Variants in ATP6V0D2 observed in about 807,000 individuals in gnomAD.
ATP6V0D2 encodes ATPase H+ transporting V0 subunit d2, also known as V-type proton ATPase subunit d 2.
Under a neutral mutation model 40.0 loss-of-function variants are expected in ATP6V0D2, and 40 were observed. That is an observed-to-expected ratio of 1.00 (90% CI 0.78 to 1.30). The LOEUF is 1.30. Among genes scored for constraint, ATP6V0D2 ranks in the 50% most tolerant of loss-of-function variants. The pLI, the probability that ATP6V0D2 is intolerant of heterozygous loss-of-function variation, is 0.00. For synonymous variants in ATP6V0D2, 179 were observed against 156.3 expected, an observed-to-expected ratio of 1.15 and a Z score of -1.08; for missense variants, 470 against 423.1, an observed-to-expected ratio of 1.11 and a Z score of -0.97.
At chr8:86,152,282 C>T (rs11780633) in intron 7 of ATP6V0D2, among the ~76,000 whole-genome samples, 13,705 of 152,196 alleles carry the variant, frequency 0.09, 888 homozygotes, top group Non-Finnish European at 0.14. Context: ...CATAGTATTC[C>T]ATGGTATATA....
intron 2 of ATP6V0D2, among the ~76,000 whole-genome samples, chr8:86,115,357 C>CTTTTTT (rs1586088786): frequency 6.3e-5 from 5 of 79,496 alleles, no homozygotes; most frequent in African/African-American, 2.4e-4. Flanking sequence ...CCGTATCATC[C>CTTTTTT]ATTTTTTTTT....
chr8:86,110,779 GTTATGTATTAA>G (rs2130235038), intron 1 of ATP6V0D2, among the ~76,000 whole-genome samples: 2 of 152,222 alleles, frequency 1.3e-5, no homozygotes, highest in South Asian at 4.2e-4. Context: ...GTGCCAGTAG[GTTATGTATTAA>G]TCAGTACATT....
intron 2 of ATP6V0D2, among the ~76,000 whole-genome samples, chr8:86,130,805 C>T (rs962702245): frequency 1.3e-5 from 2 of 152,108 alleles, no homozygotes; most frequent in Non-Finnish European, 2.9e-5. Flanking sequence ...TCCTCTTCCC[C>T]ATGTGCCCTA....
rs141838117 is a variant in ATP6V0D2, at chr8:86,153,753, T to TTTTG, written c.*779_*780insGTTT. On this transcript the variant is annotated 3_prime_UTR_variant, in exon 8 of 8. Transcript: ENST00000285393. Reference sequence around the variant, plus strand: ...GGTTCACAAGTGTTGGAAAATGTGTTTTTTGTTTTGTTTTGTTTTGTTTCG... The same window carrying TTTTG: ...GGTTCACAAGTGTTGGAAAATGTGTTTTTGTTTTGTTTTGTTTTGTTTTGTTTCG... 6.6e-6 allele frequency: 1 copy of TTTTG among 151,382 alleles called. No individual in the cohort carries two copies. The highest frequency in any genetic ancestry group is 1.5e-5 in the Non-Finnish European group (1 of 67,932). The allele number at this position is 151,382 out of a possible 1,614,324, so 9.4% of individuals were successfully genotyped here. A position where few individuals can be genotyped will look rare whatever the true frequency, so the allele number is the denominator to read the frequency against.
chr8:86,117,553 T>C (rs1818606034), intron 2 of ATP6V0D2, among the ~76,000 whole-genome samples: 2 of 152,212 alleles, frequency 1.3e-5, no homozygotes, highest in African/African-American at 4.8e-5. Flanking sequence ...TTTGCCATAC[T>C]CAGTCCTCCT....
At chr8:86,145,364 AG>A (rs1563566353) in intron 5 of ATP6V0D2, among the ~76,000 whole-genome samples, 156 of 102,964 alleles carry the variant, frequency 1.5e-3, no homozygotes, top group African/African-American at 6.2e-3. Context: ...GAAGGAAGGA[AG>A]GAAGGAAGGA....
Position 86,150,192 on chromosome 8 carries a change from C to T in ATP6V0D2, c.720C>T (p.Leu240=). Reference sequence around the variant, plus strand: ...TGAGCAAAGAAGACCGAGAGACCCTCTATCCAACCTTCGGCAAACTCTATC... The same window carrying T: ...TGAGCAAAGAAGACCGAGAGACCCTTTATCCAACCTTCGGCAAACTCTATC... The part of the protein sequence containing the change: ...TELSKEDRET[L]YPTFGKLYPE... Residue 240 remains leucine, a synonymous_variant, in exon 6 of 8, where the codon CTC becomes CTT. Transcript: ENST00000285393. 2 of 1,613,484 alleles carry T rather than the reference C, an allele frequency of 1.2e-6. No homozygotes were observed. Among genetic ancestry groups the T allele is most frequent in the Non-Finnish European group, 1.7e-6 (2 of 1,179,904 alleles).
At chr8:86,138,127 A>G (rs576188153) in intron 2 of ATP6V0D2, among the ~76,000 whole-genome samples, 2 of 152,120 alleles carry the variant, frequency 1.3e-5, no homozygotes, top group Non-Finnish European at 2.9e-5. Context: ...CGGCCCAGGC[A>G]AAGGAAACAC....
In ATP6V0D2 at chr8:86,126,236, CTATATATA is replaced by C. The variant is rs60590702; in HGVS notation, c.302+12376_302+12383del. On this transcript the variant is annotated intron_variant, in intron 2 of 7. Transcript: ENST00000285393. ...ATAGGCGTGAACTACCGTGCTCAGC[CTATATATA>C]TATATATATATATATATATCTTTTT... Among the ~76,000 whole-genome samples, 658 of 77,146 alleles carry C rather than the reference CTATATATA, an allele frequency of 8.5e-3. 32 individuals are homozygous for C. The highest frequency in any genetic ancestry group is 0.018 in the African/African-American group (497 of 27,392). The allele number at this position is 77,146 out of a possible 152,430, so 50.6% of individuals were successfully genotyped here.
chr8:86,142,416 G>A (rs749571659), intron 4 of ATP6V0D2, among the ~76,000 whole-genome samples: 4 of 152,162 alleles, frequency 2.6e-5, no homozygotes, highest in African/African-American at 9.7e-5. Flanking sequence ...TAGCTAAAAC[G>A]TATTAGAGTT....
chr8:86,150,385 A>AAGTAAT, intron 6 of ATP6V0D2, 97 bp downstream of exon 6: 1 of 1,203,114 alleles, frequency 8.3e-7, no homozygotes, highest in Non-Finnish European at 1.2e-6. Context: ...TACTCAAAAG[A>AAGTAAT]AGTAATAATA....
chr8:86,141,821 A>G (rs567418876), intron 4 of ATP6V0D2, among the ~76,000 whole-genome samples: 1 of 152,304 alleles, frequency 6.6e-6, no homozygotes, highest in East Asian at 1.9e-4. Flanking sequence ...GTAGGTGAAG[A>G]AATGGGGTGA....
chr8:86,099,076 A>G lies in ATP6V0D2; in HGVS notation c.98A>G (p.Tyr33Cys), dbSNP rs1363872405. 1.9e-6 allele frequency: 3 copies of G among 1,613,632 alleles called. No homozygotes were observed. Among genetic ancestry groups the G allele is most frequent in the South Asian group, 2.2e-5 (2 of 91,060 alleles). ...CKASLLTQQDYINLVQCETLE... is the reference protein window; with the variant it reads ...CKASLLTQQDCINLVQCETLE... The stretch of plus-strand genomic sequence containing the variant: ...GCCAGCCTCCTGACCCAGCAAGACT[A>G]TATCAACCTGGTCCAGTGTGAGACC... Residue 33 changes from tyrosine (Y) to cysteine (C), a missense_variant, in exon 1 of 8, where the codon TAT (tyrosine) becomes TGT (cysteine). Tyr to Cys is a radical substitution (Grantham distance 194). Coordinates refer to ENST00000285393, the MANE Select transcript of ATP6V0D2 (RefSeq NM_152565.1).
chr8:86,119,087 G>A (rs916968326), intron 2 of ATP6V0D2, among the ~76,000 whole-genome samples: 1 of 152,058 alleles, frequency 6.6e-6, no homozygotes, highest in Admixed American at 6.6e-5. Flanking sequence ...TTGTACTTTG[G>A]GATTGGGAAA....
chr8:86,149,052 G>GAAAAA (rs1166858589), intron 5 of ATP6V0D2, among the ~76,000 whole-genome samples: 2,603 of 68,886 alleles, frequency 0.038, 536 homozygotes, highest in African/African-American at 0.082. Context: ...ATCTCCAAAG[G>GAAAAA]AAGAAAAAAA....
intron 1 of ATP6V0D2, among the ~76,000 whole-genome samples, chr8:86,106,314 G>A (rs953251325): frequency 1.3e-5 from 2 of 151,882 alleles, no homozygotes; most frequent in South Asian, 2.1e-4. Context: ...TTTGTCATTT[G>A]CAAAGACAAG....
intron 1 of ATP6V0D2, among the ~76,000 whole-genome samples, chr8:86,107,925 G>A (rs1343685499): frequency 6.6e-6 from 1 of 152,148 alleles, no homozygotes; most frequent in Non-Finnish European, 1.5e-5. Context: ...GTGTCTGGTT[G>A]TACATCTTCC....
intron 4 of ATP6V0D2, among the ~76,000 whole-genome samples, chr8:86,142,347 A>T (rs1818986210): frequency 6.6e-6 from 1 of 152,194 alleles, no homozygotes; most frequent in South Asian, 2.1e-4. Context: ...TGCTATCTCC[A>T]TTCCTCAGAG....
At chr8:86,124,828 A>G (rs1013631717) in intron 2 of ATP6V0D2, among the ~76,000 whole-genome samples, 4 of 152,228 alleles carry the variant, frequency 2.6e-5, no homozygotes, top group African/African-American at 9.6e-5. Flanking sequence ...CTCTGTGACT[A>G]CATAGATCAC....
Sources: allele counts gnomAD v4.1 joint callset (sites outside exome capture counted in the v4.1 genomes callset), GRCh38; gene constraint gnomAD v4.1.1; transcripts MANE v1.5; gene names NCBI Gene and HGNC (gene_info 2026-07-23, HGNC 2026-07-21).